The following RSPO2 variants were observed in gnomAD, a reference collection of about 807,000 sequenced individuals.
RSPO2 encodes R-spondin 2.
A neutral mutation model predicts 30.9 loss-of-function variants in RSPO2; 14 were observed. That is an observed-to-expected ratio of 0.45 (90% CI 0.30 to 0.71). The LOEUF is 0.71. Among genes scored for constraint, RSPO2 ranks in the 30% least tolerant of loss-of-function variants. RSPO2 has a pLI of 0.08. For synonymous variants in RSPO2, 107 were observed against 96.4 expected, an observed-to-expected ratio of 1.11 and a Z score of -0.64; for missense variants, 264 against 301.9, an observed-to-expected ratio of 0.87 and a Z score of 0.93.
rs371237979 is a variant in RSPO2 at position 107,935,910 on chromosome 8, T to C, written c.616+22170A>G. On this transcript the variant is annotated intron_variant, in intron 5 of 5. Coordinates refer to ENST00000276659, the MANE Select transcript of RSPO2 (RefSeq NM_178565.5). ...CTGTGTAATGATCAATTCAGGGTATTTGGGGTATCCAACAACTTGAGTATT... is the reference window on the plus strand; with the variant it reads ...CTGTGTAATGATCAATTCAGGGTATCTGGGGTATCCAACAACTTGAGTATT... Among the ~76,000 whole-genome samples the C allele has an allele frequency of 3.7e-3, 564 of 152,306 alleles. 3 individuals are homozygous for C. Among genetic ancestry groups the C allele is most frequent in the African/African-American group, 0.013 (544 of 41,572 alleles).
chr8:108,071,270 T>C (rs2130724780), intron 2 of RSPO2, among the ~76,000 whole-genome samples: 1 of 152,322 alleles, frequency 6.6e-6, no homozygotes, highest in South Asian at 2.1e-4. Flanking sequence ...GGTAATATTA[T>C]TTAAATGAGG....
At chr8:107,932,808 G>A (rs1812591083) in intron 5 of RSPO2, among the ~76,000 whole-genome samples, 2 of 152,160 alleles carry the variant, frequency 1.3e-5, no homozygotes. Flanking sequence ...AAATGAGAGA[G>A]AGAGAGAGCA....
rs79528273 is a variant in RSPO2 at position 107,981,542 on chromosome 8, A to C, written c.283+7514T>G. On this transcript the variant is annotated intron_variant, in intron 3 of 5. Coordinates refer to ENST00000276659, the MANE Select transcript of RSPO2 (RefSeq NM_178565.5). ...TCAGAAAAAAGAAAGAAAGAAAGAC[A>C]AGAAAACAGGTGTTTCTAAAGGCAT... Among the ~76,000 whole-genome samples the C allele has an allele frequency of 9.4e-3, 1,418 of 151,296 alleles. 20 individuals carry two copies. Among genetic ancestry groups the C allele is most frequent in the African/African-American group, 0.031 (1,271 of 41,440 alleles).
At chr8:108,002,130 G>A (rs1815271797) in intron 2 of RSPO2, among the ~76,000 whole-genome samples, 1 of 152,194 alleles carries the variant, frequency 6.6e-6, no homozygotes, top group Non-Finnish European at 1.5e-5. Flanking sequence ...CTTATGCCAA[G>A]TGTTGGCTGG....
At chr8:107,959,185 C>A (rs1813539997) in intron 4 of RSPO2, among the ~76,000 whole-genome samples, 1 of 152,108 alleles carries the variant, frequency 6.6e-6, no homozygotes, top group Non-Finnish European at 1.5e-5. Context: ...TTTGCATTTT[C>A]TGATTTTTTC....
chr8:107,902,656 T>A (rs796318482), intron 5 of RSPO2, among the ~76,000 whole-genome samples: 1 of 152,088 alleles, frequency 6.6e-6, no homozygotes, highest in Admixed American at 6.5e-5. Flanking sequence ...TCAGAAAGGA[T>A]CTGTTTTAAG....
rs533917713 is a variant in RSPO2, at chr8:107,975,545, A to G, written c.283+13511T>C. On this transcript the variant is annotated intron_variant, in intron 3 of 5. Coordinates refer to ENST00000276659, the MANE Select transcript of RSPO2 (RefSeq NM_178565.5). ...CCCCCAAAGTGCTAAATAAGTGTTT[A>G]TAAGTAGTAAGCCACGACATAGTAT... 6.3e-4 allele frequency among the ~76,000 whole-genome samples: 96 copies of G among 152,360 alleles called. 2 individuals carry two copies. The South Asian group carries it at 0.02, about 32-fold the overall frequency.
intron 2 of RSPO2, among the ~76,000 whole-genome samples, chr8:108,072,585 G>A (rs574673633): frequency 6.8e-5 from 10 of 147,686 alleles, no homozygotes; most frequent in African/African-American, 1.8e-4. Flanking sequence ...TGATCCGCCC[G>A]CCTCGGCCTC....
At position 108,026,594 on chromosome 8, in the gene RSPO2, C is replaced by T. The variant is rs527853500; in HGVS notation, c.95-37350G>A. Among the ~76,000 whole-genome samples the T allele has an allele frequency of 6.6e-5, 10 of 152,138 alleles. No individual in the cohort carries two copies. The East Asian group carries it at 1.4e-3, about 21-fold the overall frequency. On this transcript the variant is annotated intron_variant, in intron 2 of 5. Transcript: ENST00000276659. ...AGTAAAATACTAACAAGGCCAGGAG[C>T]GGTGGCTCATGCTTTTAATCCCAGC... is the stretch of plus-strand genomic sequence containing the variant.
chr8:107,903,348 C>T (rs1811538396), intron 5 of RSPO2, among the ~76,000 whole-genome samples: 1 of 152,038 alleles, frequency 6.6e-6, no homozygotes, highest in East Asian at 1.9e-4. Context: ...TTCACATTCA[C>T]AAGAAAGCTT....
At chr8:108,003,301 ATATATATATATTTTTTTTTTTTTTTT>A (rs1423217704) in intron 2 of RSPO2, among the ~76,000 whole-genome samples, 9 of 24,626 alleles carry the variant, frequency 3.7e-4, no homozygotes, top group African/African-American at 1.3e-3. Context: ...ATATATATAT[ATATATATATATTTTTTTTTTTTTTTT>A]TTTTTTTTTT....
chr8:108,020,320 G>C (rs1016825069), intron 2 of RSPO2, among the ~76,000 whole-genome samples: 1 of 151,984 alleles, frequency 6.6e-6, no homozygotes, highest in Non-Finnish European at 1.5e-5. Flanking sequence ...CAACGTACAC[G>C]CCTTTCATGC....
At chr8:107,904,564 G>A (rs1811579562) in intron 5 of RSPO2, among the ~76,000 whole-genome samples, 1 of 152,028 alleles carries the variant, frequency 6.6e-6, no homozygotes, top group Admixed American at 6.6e-5. Context: ...GCAGATGCAA[G>A]GAGATGACTG....
chr8:108,028,696 T>C (rs1021472825), intron 2 of RSPO2, among the ~76,000 whole-genome samples: 3 of 152,234 alleles, frequency 2.0e-5, no homozygotes, highest in African/African-American at 7.2e-5. Context: ...TGTGCCTAAC[T>C]GGAACAGCCT....
chr8:107,902,769 A>G (rs1811519023), intron 5 of RSPO2, among the ~76,000 whole-genome samples: 1 of 152,080 alleles, frequency 6.6e-6, no homozygotes. Context: ...TCTTTTTATC[A>G]CAAGAAAAAA....
chr8:107,969,636 T>G (rs993133235), intron 3 of RSPO2, among the ~76,000 whole-genome samples: 1 of 152,154 alleles, frequency 6.6e-6, no homozygotes, highest in Non-Finnish European at 1.5e-5. Flanking sequence ...AATGAACACA[T>G]TTGCTAAGAA....
intron 2 of RSPO2, among the ~76,000 whole-genome samples, chr8:108,035,391 G>A (rs934332462): frequency 1.3e-5 from 2 of 152,120 alleles, no homozygotes; most frequent in Admixed American, 1.3e-4. Flanking sequence ...TACCACATCG[G>A]TAGCACAAAT....
intron 5 of RSPO2, among the ~76,000 whole-genome samples, chr8:107,901,605 T>G (rs1444002430): frequency 1.3e-5 from 2 of 152,242 alleles, no homozygotes; most frequent in African/African-American, 2.4e-5. Context: ...ATACCAGAAG[T>G]TTCAAACTCC....
rs569093247 is a variant in RSPO2 at position 107,988,473 on chromosome 8, T to C, written c.283+583A>G. ...TGAGTAGGTACTCGTTACAAAAATCTGTCAAACAAGATTGTACTTGAGATC... is the reference window on the plus strand; with the variant it reads ...TGAGTAGGTACTCGTTACAAAAATCCGTCAAACAAGATTGTACTTGAGATC... On this transcript the variant is annotated intron_variant, in intron 3 of 5. Coordinates refer to ENST00000276659, the MANE Select transcript of RSPO2 (RefSeq NM_178565.5). Among the ~76,000 whole-genome samples the C allele has an allele frequency of 8.5e-5, 13 of 152,076 alleles. No individual in the cohort carries two copies. In the East Asian group the frequency reaches 2.1e-3, roughly 25 times the overall value.
Sources: gnomAD v4.1 joint callset for allele counts (sites outside exome capture counted in the v4.1 genomes callset) on GRCh38, gnomAD v4.1.1 for gene constraint, MANE v1.5 for transcripts, NCBI Gene and HGNC (gene_info 2026-07-23, HGNC 2026-07-21) for gene names.